Variants in CNTNAP2 observed in about 807,000 individuals in gnomAD.
CNTNAP2 encodes contactin associated protein 2.
Under a neutral mutation model 155.2 loss-of-function variants are expected in CNTNAP2, and 98 were observed. The ratio of observed to expected loss-of-function variants is 0.63; its 90% CI spans 0.54 to 0.75. The LOEUF is 0.75. CNTNAP2 is among the 30% of genes least tolerant of loss of function. CNTNAP2 has a pLI of 0.00. For synonymous variants in CNTNAP2, 651 were observed against 631.2 expected (o/e 1.03, Z -0.47); for missense variants, 1,727 against 1,688.1 (o/e 1.02, Z -0.40).
chr7:146,220,880 T>G (rs1230779580), intron 1 of CNTNAP2, among the ~76,000 whole-genome samples: 1 of 152,228 alleles, frequency 6.6e-6, no homozygotes, highest in Non-Finnish European at 1.5e-5. Context: ...AGAGATAAAA[T>G]TTTGTTGCAC....
intron 15 of CNTNAP2, among the ~76,000 whole-genome samples, chr7:148,109,496 T>C (rs1304087933): frequency 6.6e-6 from 1 of 152,162 alleles, no homozygotes; most frequent in Non-Finnish European, 1.5e-5. Context: ...GTGATTCTCC[T>C]GCCTCAGCCT....
chr7:147,323,316 C>T (rs112787061), intron 9 of CNTNAP2, among the ~76,000 whole-genome samples: 49,802 of 115,490 alleles, frequency 0.43, 11,197 homozygotes, highest in East Asian at 0.66. Context: ...TGTATTTCTG[C>T]CTTCATTTCG....
chr7:148,169,908 T>A (rs1172650825), intron 17 of CNTNAP2, among the ~76,000 whole-genome samples: 3 of 151,148 alleles, frequency 2.0e-5, no homozygotes, highest in African/African-American at 4.9e-5. Flanking sequence ...TGCAGTGAGC[T>A]GAGATCATGC....
chr7:146,560,491 T>C (rs1476257331), intron 1 of CNTNAP2, among the ~76,000 whole-genome samples: 1 of 152,042 alleles, frequency 6.6e-6, no homozygotes. Context: ...TATATATATT[T>C]GGCTAAGAGT....
intron 8 of CNTNAP2, among the ~76,000 whole-genome samples, chr7:147,289,239 T>A (rs186975706): frequency 3.9e-5 from 6 of 152,266 alleles, no homozygotes; most frequent in Non-Finnish European, 1.5e-5. Flanking sequence ...GACATCCTGG[T>A]ATGATACCCA....
rs528287791 is a variant in CNTNAP2, at chr7:147,863,734, A to G, written c.2099-39831A>G. On this transcript the variant is annotated intron_variant, in intron 13 of 23. Coordinates refer to ENST00000361727, the MANE Select transcript of CNTNAP2 (RefSeq NM_014141.6). ...TTGGCTGCAGAAATATCTTGTTTTG[A>G]GAAGTGTCTGTTAATATCCTTTGCC... 3.3e-5 allele frequency among the ~76,000 whole-genome samples: 5 copies of G among 151,264 alleles called. No homozygotes were observed. In the East Asian group the frequency reaches 9.7e-4, roughly 29 times the overall value.
chr7:146,859,253 A>T (rs1435607221), intron 3 of CNTNAP2, among the ~76,000 whole-genome samples: 1 of 152,210 alleles, frequency 6.6e-6, no homozygotes, highest in Non-Finnish European at 1.5e-5. Flanking sequence ...AAACTGATTA[A>T]TGGCACTTAA....
intron 1 of CNTNAP2, among the ~76,000 whole-genome samples, chr7:146,724,325 T>A (rs917090891): frequency 1.4e-4 from 21 of 152,160 alleles, no homozygotes; most frequent in African/African-American, 4.6e-4. Flanking sequence ...CGTTTTTATT[T>A]TTTTTTCCCA....
intron 14 of CNTNAP2, among the ~76,000 whole-genome samples, chr7:147,933,880 A>G (rs1360035627): frequency 6.6e-6 from 1 of 152,288 alleles, no homozygotes; most frequent in East Asian, 1.9e-4. Flanking sequence ...AAAAAGAAAG[A>G]AAAAGAAAAA....
chr7:148,223,413 T>C (rs1227731123), intron 19 of CNTNAP2, among the ~76,000 whole-genome samples: 1 of 152,232 alleles, frequency 6.6e-6, no homozygotes, highest in East Asian at 1.9e-4. Context: ...GTGCTGATGA[T>C]AATGATGATG....
At chr7:146,938,390 G>A (rs564592591) in intron 3 of CNTNAP2, among the ~76,000 whole-genome samples, 2 of 66,608 alleles carry the variant, frequency 3.0e-5, no homozygotes, top group East Asian at 4.1e-4. Context: ...AGAAGTAGAA[G>A]TAGTTTTATA....
chr7:147,718,188 G>A (rs1345089619), intron 13 of CNTNAP2, among the ~76,000 whole-genome samples: 1 of 152,066 alleles, frequency 6.6e-6, no homozygotes, highest in Non-Finnish European at 1.5e-5. Flanking sequence ...AAGCACAGTT[G>A]TATTAGCCAT....
chr7:147,002,565 C>G (rs902770885), intron 3 of CNTNAP2, among the ~76,000 whole-genome samples: 1 of 151,982 alleles, frequency 6.6e-6, no homozygotes, highest in South Asian at 2.1e-4. Flanking sequence ...GCCAAGCAAG[C>G]TACTAGAGGA....
At position 147,131,460 on chromosome 7, in the gene CNTNAP2, T is replaced by C. The variant is rs116434190; in HGVS notation, c.1084-785T>C. ...CAATTTAGTGTATCTGAATGATAAA[T>C]ATTTTTTTCTTTTTTTTCTTTTGCT... On this transcript the variant is annotated intron_variant, in intron 7 of 23. Coordinates refer to ENST00000361727, the MANE Select transcript of CNTNAP2 (RefSeq NM_014141.6). Among the ~76,000 whole-genome samples, 1,172 of 152,108 alleles carry C rather than the reference T, an allele frequency of 7.7e-3. 19 individuals are homozygous for C. Among genetic ancestry groups the C allele is most frequent in the African/African-American group, 0.026 (1,086 of 41,502 alleles).
chr7:148,373,154 A>G (rs1033437813), intron 21 of CNTNAP2, among the ~76,000 whole-genome samples: 6 of 152,072 alleles, frequency 3.9e-5, no homozygotes, highest in Non-Finnish European at 5.9e-5. Flanking sequence ...CCTTTTTAAA[A>G]ATAAAAAATA....
intron 1 of CNTNAP2, among the ~76,000 whole-genome samples, chr7:146,199,888 G>A (rs921570895): frequency 6.6e-6 from 1 of 152,048 alleles, no homozygotes; most frequent in Admixed American, 6.6e-5. Flanking sequence ...TTCTATGCTT[G>A]AAAAACAGTC....
At chr7:148,405,419 A>ATTTTTTTTTTTTT (rs1585349617) in intron 22 of CNTNAP2, among the ~76,000 whole-genome samples, 1 of 84,514 alleles carries the variant, frequency 1.2e-5, no homozygotes, top group African/African-American at 6.6e-5. Context: ...TTACCATTGT[A>ATTTTTTTTTTTTT]ATTTTTTTTT....
At chr7:148,007,239 G>T (rs1318468224) in intron 15 of CNTNAP2, among the ~76,000 whole-genome samples, 2 of 151,524 alleles carry the variant, frequency 1.3e-5, no homozygotes, top group Non-Finnish European at 2.9e-5. Flanking sequence ...ACAAAACAGA[G>T]CAAATTCAGA....
Position 147,871,728 on chromosome 7 carries a change from T to G in CNTNAP2, c.2099-31837T>G, listed in dbSNP as rs1312580056. ...CTTGAGTTCATTCCTGCCCTATTAC[T>G]CCTCCAAAGCACACATGCTATCCAC... On this transcript the variant is annotated intron_variant, in intron 13 of 23. Transcript: ENST00000361727. Among the ~76,000 whole-genome samples, 30 of 151,186 alleles carry G rather than the reference T, an allele frequency of 2.0e-4. 1 individual carries two copies. The highest frequency in any genetic ancestry group is 2.9e-5 in the Non-Finnish European group (2 of 67,816).
Sources: gnomAD v4.1 joint callset for allele counts (sites outside exome capture counted in the v4.1 genomes callset) on GRCh38, gnomAD v4.1.1 for gene constraint, MANE v1.5 for transcripts, NCBI Gene and HGNC (gene_info 2026-07-23, HGNC 2026-07-21) for gene names.